Variants in TNS3 observed in about 807,000 individuals in gnomAD.
The protein encoded by TNS3 is tensin-3.
In TNS3, 45 loss-of-function variants were observed where a neutral mutation model predicts 140.9. That is an observed-to-expected ratio of 0.32 (90% CI 0.25 to 0.41). The LOEUF (loss-of-function observed/expected upper bound fraction) is 0.41. TNS3 is among the 10% of genes least tolerant of loss of function. TNS3 has a pLI of 1.00. For synonymous variants in TNS3, 815 were observed against 788.4 expected (o/e 1.03, Z -0.56); for missense variants, 1,716 against 1,906.7 (o/e 0.90, Z 1.86).
chr7:47,448,723 AC>A (rs1795872363), intron 4 of TNS3, among the ~76,000 whole-genome samples: 1 of 152,102 alleles, frequency 6.6e-6, no homozygotes, highest in Admixed American at 6.5e-5. Context: ...CAGGCAATCC[AC>A]CCACCTCGGC....
intron 1 of TNS3, among the ~76,000 whole-genome samples, chr7:47,580,612 C>G (rs1010630144): frequency 2.0e-5 from 3 of 151,614 alleles, no homozygotes; most frequent in African/African-American, 4.9e-5. Flanking sequence ...ACTCCCCACC[C>G]CCTCCCTGGC....
chr7:47,501,828 G>T (rs1482934637), intron 3 of TNS3, among the ~76,000 whole-genome samples: 1 of 152,194 alleles, frequency 6.6e-6, no homozygotes, highest in Non-Finnish European at 1.5e-5. Context: ...TCATGGGGAA[G>T]AAGAGGCCTG....
At chr7:47,302,910 G>T (rs1786489152) in intron 22 of TNS3, 40 bp downstream of exon 22, 3 of 1,557,314 alleles carry the variant, frequency 1.9e-6, no homozygotes, top group Non-Finnish European at 2.6e-6. Context: ...CCCAGTGAAT[G>T]GACAGAGGGG....
At chr7:47,439,832 C>T (rs1299203290) in intron 5 of TNS3, among the ~76,000 whole-genome samples, 174 bp from the exon 6 acceptor site, 2 of 152,182 alleles carry the variant, frequency 1.3e-5, no homozygotes, top group Admixed American at 6.5e-5. Context: ...GTTCCCATAA[C>T]AGCGGGCAGT....
intron 1 of TNS3, among the ~76,000 whole-genome samples, chr7:47,565,207 A>G (rs1266629523): frequency 1.3e-5 from 2 of 150,994 alleles, no homozygotes; most frequent in Non-Finnish European, 2.9e-5. Context: ...CCTCCTGAGT[A>G]GCTGGGACTA....
At chr7:47,477,499 A>C (rs1797240381) in intron 4 of TNS3, among the ~76,000 whole-genome samples, 1 of 152,134 alleles carries the variant, frequency 6.6e-6, no homozygotes, top group African/African-American at 2.4e-5. Flanking sequence ...CACCCCAGAG[A>C]GCAGAAGCCC....
Position 47,303,307 on chromosome 7 carries a change from C to T in TNS3, c.3100G>A (p.Glu1034Lys), listed in dbSNP as rs3807590. 8.7e-6 allele frequency: 14 copies of T among 1,613,278 alleles called. No individual in the cohort carries two copies. The East Asian group carries it at 2.9e-4, about 33-fold the overall frequency. Residue 1034 changes from glutamate to lysine, a missense_variant, in exon 22 of 31, where the codon GAG (glutamate) becomes AAG (lysine). Coordinates refer to ENST00000311160, the MANE Select transcript of TNS3 (RefSeq NM_022748.12). The part of the protein sequence containing the change: ...TAPVGSGLPP[E>K]EDLGALLANS... ...GCCAGCAAGGCCCCCAGGTCCTCCT[C>T]GGGCGGAAGGCCACTTCCCACTGGG...
At chr7:47,501,059 C>T (rs544113396) in intron 3 of TNS3, among the ~76,000 whole-genome samples, 4 of 151,384 alleles carry the variant, frequency 2.6e-5, no homozygotes, top group East Asian at 3.9e-4. Context: ...CATTCCAGCC[C>T]GGGTGACGGA....
intron 17 of TNS3, among the ~76,000 whole-genome samples, chr7:47,362,839 GTCA>G (rs1790421226): frequency 1.3e-5 from 2 of 148,160 alleles, no homozygotes; most frequent in Admixed American, 1.3e-4. Context: ...CATCATCACT[GTCA>G]TCATCACCAT....
chr7:47,359,855 T>C (rs555553898), intron 17 of TNS3, among the ~76,000 whole-genome samples: 1 of 152,304 alleles, frequency 6.6e-6, no homozygotes, highest in East Asian at 1.9e-4. Context: ...GAAGGTCCCT[T>C]GATGTAGCTA....
intron 23 of TNS3, among the ~76,000 whole-genome samples, chr7:47,299,663 A>G (rs1476016023): frequency 6.6e-6 from 1 of 152,206 alleles, no homozygotes; most frequent in Non-Finnish European, 1.5e-5. Flanking sequence ...GGGAAGCCCC[A>G]GCTGCCAGGC....
At chr7:47,397,972 T>C (rs1792931097) in intron 15 of TNS3, among the ~76,000 whole-genome samples, 1 of 152,108 alleles carries the variant, frequency 6.6e-6, no homozygotes, top group Admixed American at 6.6e-5. Flanking sequence ...ATAAATTCAA[T>C]TAGAAATGAA....
Position 47,472,007 on chromosome 7 carries a change from T to G in TNS3, c.-76+9096A>C, listed in dbSNP as rs1796975093. On this transcript the variant is annotated intron_variant, in intron 4 of 30. Transcript: ENST00000311160. ...AAACCAAGGCGGCAGGCTGCGCTCC[T>G]TCTGAGAGCCCCAGGGAGGATCTGT... is the stretch of plus-strand genomic sequence containing the variant. Among the ~76,000 whole-genome samples the G allele has an allele frequency of 2.6e-5, 4 of 152,214 alleles. No homozygotes were observed. In the South Asian group the frequency reaches 8.3e-4, roughly 32 times the overall value.
intron 20 of TNS3, among the ~76,000 whole-genome samples, chr7:47,335,792 C>T (rs1481126151): frequency 1.3e-5 from 2 of 152,214 alleles, no homozygotes; most frequent in African/African-American, 2.4e-5. Context: ...GAACCATGTG[C>T]AGTAGGAATG....
intron 4 of TNS3, among the ~76,000 whole-genome samples, chr7:47,448,476 A>ATTT (rs71003401): frequency 0.091 from 11,708 of 129,210 alleles, 636 homozygotes; most frequent in African/African-American, 0.11. Flanking sequence ...TGGGAATTCG[A>ATTT]TTTTTTTTTT....
intron 5 of TNS3, among the ~76,000 whole-genome samples, chr7:47,441,590 T>C (rs549713693): frequency 6.6e-6 from 1 of 152,352 alleles, no homozygotes; most frequent in Non-Finnish European, 1.5e-5. Context: ...TTCAAATGTA[T>C]TGAACACTGT....
chr7:47,315,719 C>T (rs1226054743), intron 20 of TNS3, among the ~76,000 whole-genome samples: 1 of 152,196 alleles, frequency 6.6e-6, no homozygotes, highest in East Asian at 1.9e-4. Context: ...ATTAAACATT[C>T]ATGAGGGATC....
chr7:47,292,756 G>A (rs779580706), intron 26 of TNS3, 72 bp downstream of exon 26: 13 of 1,347,784 alleles, frequency 9.6e-6, no homozygotes, highest in South Asian at 3.8e-5. Context: ...GGATCTTCAT[G>A]GATCTCTAAA....
chr7:47,303,304 C>T lies in TNS3; in HGVS notation c.3103G>A (p.Glu1035Lys), dbSNP rs1786527239. The T allele has an allele frequency of 1.9e-6, 3 of 1,613,518 alleles. No homozygotes were observed. The highest frequency in any genetic ancestry group is 1.7e-6 in the Non-Finnish European group (2 of 1,179,840). ...TTGGCCAGCAAGGCCCCCAGGTCCT[C>T]CTCGGGCGGAAGGCCACTTCCCACT... ...APVGSGLPPE[E>K]DLGALLANSH... The change falls in exon 22 of 31, where the codon GAG becomes AAG. Residue 1035 changes from glutamate (E) to lysine (K), a missense_variant. Transcript: ENST00000311160.
Sources: allele counts gnomAD v4.1 joint callset (sites outside exome capture counted in the v4.1 genomes callset), GRCh38; gene constraint gnomAD v4.1.1; transcripts MANE v1.5; gene names NCBI Gene and HGNC (gene_info 2026-07-23, HGNC 2026-07-21).